Variants in ZNF83 observed in about 807,000 individuals in gnomAD.
The protein encoded by ZNF83 is zinc finger protein 816B.
For missense variants in ZNF83, 552 were observed against 629.9 expected (o/e 0.88, Z 1.32); for synonymous variants, 209 against 213.0 (o/e 0.98, Z 0.17).
At chr19:52,637,683 TG>T (rs1426706176) in intron 1 of ZNF83, among the ~76,000 whole-genome samples, 2 of 152,178 alleles carry the variant, frequency 1.3e-5, no homozygotes, top group African/African-American at 4.8e-5. Context: ...CAGGAGGGTT[TG>T]GATAAGACGC....
At chr19:52,638,650 G>T (rs1372199154), upstream of ZNF83, among the ~76,000 whole-genome samples, 4 of 152,260 alleles carry the variant, frequency 2.6e-5, no homozygotes, top group Non-Finnish European at 4.4e-5. Context: ...CCCTGCCTGG[G>T]CGGAAGGTAC....
chr19:52,629,913 A>C (rs1255906498), intron 2 of ZNF83, among the ~76,000 whole-genome samples: 1 of 152,228 alleles, frequency 6.6e-6, no homozygotes, highest in East Asian at 1.9e-4. Flanking sequence ...GTACAATAAT[A>C]GAAAAAAGTT....
chr19:52,630,004 G>A (rs1282827226), intron 2 of ZNF83, among the ~76,000 whole-genome samples: 1 of 152,092 alleles, frequency 6.6e-6, no homozygotes, highest in South Asian at 2.1e-4. Flanking sequence ...GAACCACAGT[G>A]GCCAGGCATT....
In ZNF83 at chr19:52,686,145, A is replaced by G. The variant is rs531109320; in HGVS notation, c.-283+4298T>C. On this transcript the variant is annotated intron_variant, in intron 1 of 5. Transcript: ENST00000594682. The stretch of plus-strand genomic sequence containing the variant: ...GGTCACTGACATCTTTACCAGGTAC[A>G]CACTGAAACAATCAAACTTCTGTAT... 1.4e-4 allele frequency among the ~76,000 whole-genome samples: 22 copies of G among 152,338 alleles called. No homozygotes were observed. In the East Asian group the frequency reaches 2.9e-3, roughly 20 times the overall value.
intron 2 of ZNF83, among the ~76,000 whole-genome samples, chr19:52,621,299 T>C (rs1005253376): frequency 1.3e-5 from 2 of 152,322 alleles, no homozygotes; most frequent in East Asian, 3.9e-4. Flanking sequence ...CCTCATCATC[T>C]TTCTCCTTTC....
intron 1 of ZNF83, among the ~76,000 whole-genome samples, chr19:52,671,018 T>C (rs768317234): frequency 6.6e-6 from 1 of 152,234 alleles, no homozygotes; most frequent in Non-Finnish European, 1.5e-5. Context: ...TTTTTAGTTA[T>C]TCTCTTCAGG....
At chr19:52,613,798 G>A (rs778094066) in exon 3 of ZNF83, 11 of 1,613,844 alleles carry the variant, frequency 6.8e-6, no homozygotes, top group South Asian at 2.2e-5. Flanking sequence ...TTTCTCTCCA[G>A]TATGAATGAT....
intron 1 of ZNF83, among the ~76,000 whole-genome samples, chr19:52,678,079 A>G (rs1312062906): frequency 6.6e-6 from 1 of 151,772 alleles, no homozygotes; most frequent in East Asian, 1.9e-4. Context: ...ACCCAGATGG[A>G]GATTGTTGCC....
chr19:52,613,349 A>G lies in ZNF83; in HGVS notation c.1216T>C (p.Cys406Arg), dbSNP rs1006521435. 7 of 1,613,936 alleles carry G rather than the reference A, an allele frequency of 4.3e-6. No individual in the cohort carries two copies. The African/African-American group carries it at 6.7e-5, about 15-fold the overall frequency. The change falls in exon 3 of 3, where the codon TGT (cysteine) becomes CGT (arginine). Residue 406 changes from cysteine to arginine, a missense_variant. Transcript: ENST00000301096. Reference sequence around the variant, plus strand: ...GAATTTTGACTGAAGACTTTGCCACATTCATCACATTTGTAAGGTTTCTCT... The same window carrying G: ...GAATTTTGACTGAAGACTTTGCCACGTTCATCACATTTGTAAGGTTTCTCT...
At chr19:52,661,700 C>T (rs1157269999) in intron 1 of ZNF83, among the ~76,000 whole-genome samples, 1 of 152,184 alleles carries the variant, frequency 6.6e-6, no homozygotes, top group Non-Finnish European at 1.5e-5. Context: ...CTGCTCTCCC[C>T]TTGGGGACTT....
At chr19:52,678,569 T>G (rs926587428) in intron 1 of ZNF83, among the ~76,000 whole-genome samples, 31 of 152,092 alleles carry the variant, frequency 2.0e-4, no homozygotes, top group African/African-American at 7.3e-4. Context: ...CCCTGGACTT[T>G]TAAACACAAT....
At chr19:52,641,227 A>G (rs1290957425), upstream of ZNF83, among the ~76,000 whole-genome samples, 4 of 152,246 alleles carry the variant, frequency 2.6e-5, no homozygotes, top group East Asian at 7.7e-4. Flanking sequence ...GCTTAAGTTT[A>G]TACACTCATG....
exon 3 of ZNF83, chr19:52,613,839 G>T (rs760093936): frequency 4.3e-6 from 7 of 1,613,990 alleles, no homozygotes; most frequent in Non-Finnish European, 5.9e-6. Context: ...AATTGCGACT[G>T]AACACCTTGC....
intron 2 of ZNF83, among the ~76,000 whole-genome samples, chr19:52,660,354 C>T (rs550378806): frequency 3.9e-5 from 6 of 152,134 alleles, no homozygotes; most frequent in Admixed American, 6.5e-5. Context: ...TCACAGGCAG[C>T]CAGTGTGTTA....
At chr19:52,647,715 G>C (rs1030623318) in intron 3 of ZNF83, among the ~76,000 whole-genome samples, 1 of 150,898 alleles carries the variant, frequency 6.6e-6, no homozygotes, top group Non-Finnish European at 1.5e-5. Flanking sequence ...TTCTGCTGCT[G>C]TTTATTCCCT....
At chr19:52,626,968 G>GAAAC (rs1264968999) in intron 2 of ZNF83, among the ~76,000 whole-genome samples, 2 of 152,264 alleles carry the variant, frequency 1.3e-5, no homozygotes, top group Admixed American at 1.3e-4. Context: ...CAAAAGAAGT[G>GAAAC]AAACAGCCAG....
Position 52,680,929 on chromosome 19 carries a change from G to A in ZNF83, c.-283+9514C>T, listed in dbSNP as rs183005028. 5.1e-3 allele frequency among the ~76,000 whole-genome samples: 771 copies of A among 151,744 alleles called. 8 individuals are homozygous for A. The highest frequency in any genetic ancestry group is 0.017 in the African/African-American group (687 of 41,402). On this transcript the variant is annotated intron_variant, in intron 1 of 5. Transcript: ENST00000594682. ...GCCCGGCCTCCACAAAATATTTTAAGATCCCTTAAGTCACTGTGGATGTCT... is the reference window on the plus strand; with the variant it reads ...GCCCGGCCTCCACAAAATATTTTAAAATCCCTTAAGTCACTGTGGATGTCT...
chr19:52,689,963 C>CGAG lies in ZNF83; in HGVS notation c.-283+477_-283+479dup, dbSNP rs567328245. Among the ~76,000 whole-genome samples, 1,448 of 152,150 alleles carry CGAG rather than the reference C, an allele frequency of 9.5e-3. 11 individuals carry two copies. The highest frequency in any genetic ancestry group is 0.025 in the African/African-American group (1,056 of 41,468). On this transcript the variant is annotated intron_variant, in intron 1 of 5. Coordinates refer to the ZNF83 transcript ENST00000594682. Reference sequence around the variant, plus strand: ...ACCTGGGGAGCAGCAGGGCCCGGCACGAGGAGGGAGGTGGGGGGCGACGGC... The same window carrying CGAG: ...ACCTGGGGAGCAGCAGGGCCCGGCACGAGGAGGAGGGAGGTGGGGGGCGACGGC...
chr19:52,624,393 C>A (rs1017889724), intron 2 of ZNF83, among the ~76,000 whole-genome samples: 4 of 152,168 alleles, frequency 2.6e-5, no homozygotes, highest in Non-Finnish European at 4.4e-5. Context: ...TCTCTCAAAC[C>A]CCAACCCCTT....
Sources: allele counts gnomAD v4.1 joint callset (sites outside exome capture counted in the v4.1 genomes callset), GRCh38; gene constraint gnomAD v4.1.1; transcripts MANE v1.5; gene names NCBI Gene and HGNC (gene_info 2026-07-23, HGNC 2026-07-21).